NCK1: variants seen among roughly 807,000 people sequenced by gnomAD.
The protein encoded by NCK1 is NCK adaptor protein 1.
A neutral mutation model predicts 36.6 loss-of-function variants in NCK1; 19 were observed. The ratio of observed to expected loss-of-function variants is 0.52; its 90% CI spans 0.36 to 0.76. The LOEUF is 0.76. Ranked by LOEUF, NCK1 falls within the 30% of genes least tolerant of loss-of-function variation. The pLI, the probability that NCK1 is intolerant of heterozygous loss-of-function variation, is 0.00. For synonymous variants in NCK1, 165 were observed against 156.0 expected (o/e 1.06, Z -0.43); for missense variants, 358 against 445.6 (o/e 0.80, Z 1.77).
intron 1 of NCK1, among the ~76,000 whole-genome samples, chr3:136,882,801 C>T (rs1225492893): frequency 1.3e-5 from 2 of 152,132 alleles, no homozygotes; most frequent in Admixed American, 6.5e-5. Context: ...TATCTAATTG[C>T]AGGGGTGGCT....
At chr3:136,901,644 C>T (rs1029302028) in intron 1 of NCK1, among the ~76,000 whole-genome samples, 2 of 151,960 alleles carry the variant, frequency 1.3e-5, no homozygotes, top group African/African-American at 4.8e-5. Flanking sequence ...CATCCATTTC[C>T]TCTCAATTTT....
At chr3:136,939,531 T>A (rs886228045) in intron 2 of NCK1, among the ~76,000 whole-genome samples, 5 of 152,112 alleles carry the variant, frequency 3.3e-5, no homozygotes, top group Non-Finnish European at 5.9e-5. Flanking sequence ...TTCCTTAAGA[T>A]TAAATTTAAG....
At chr3:136,937,915 T>C (rs914907298) in intron 2 of NCK1, among the ~76,000 whole-genome samples, 62 of 148,464 alleles carry the variant, frequency 4.2e-4, no homozygotes, top group Non-Finnish European at 1.0e-4. Context: ...TTGCTTTGAC[T>C]AGCACTTCCA....
chr3:136,928,314 C>A, intron 2 of NCK1, 87 bp downstream of exon 2: 1 of 1,300,310 alleles, frequency 7.7e-7, no homozygotes, highest in Non-Finnish European at 1.0e-6. Context: ...CAGCAGTGTG[C>A]ATAATTGACT....
intron 2 of NCK1, among the ~76,000 whole-genome samples, chr3:136,941,132 T>C (rs1486740455): frequency 6.7e-6 from 1 of 148,764 alleles, no homozygotes; most frequent in African/African-American, 2.5e-5. Flanking sequence ...TTTTTTTTTT[T>C]TTGGAGGGTG....
intron 2 of NCK1, among the ~76,000 whole-genome samples, chr3:136,934,503 C>G (rs904184021): frequency 2.0e-5 from 3 of 152,114 alleles, no homozygotes; most frequent in Non-Finnish European, 4.4e-5. Context: ...CCAGGCTGGT[C>G]TCGAACTCCC....
At chr3:136,920,871 T>G (rs1940091473) in intron 1 of NCK1, among the ~76,000 whole-genome samples, 1 of 152,200 alleles carries the variant, frequency 6.6e-6, no homozygotes, top group Non-Finnish European at 1.5e-5. Context: ...TAAACATAAA[T>G]GGCCTTATAG....
At chr3:136,933,300 G>A (rs1940441538) in intron 2 of NCK1, among the ~76,000 whole-genome samples, 2 of 152,302 alleles carry the variant, frequency 1.3e-5, no homozygotes, top group East Asian at 3.9e-4. Context: ...CAATGGTATT[G>A]AGAAACTTGG....
intron 1 of NCK1, among the ~76,000 whole-genome samples, chr3:136,912,761 T>C (rs753853018): frequency 6.6e-6 from 1 of 152,042 alleles, no homozygotes. Context: ...GCTCAAGCAG[T>C]CCCCCTGCTT....
At position 136,906,831 on chromosome 3, in the gene NCK1, G is replaced by A. The variant is rs558076826; in HGVS notation, c.-18-21153G>A. 2.0e-5 allele frequency among the ~76,000 whole-genome samples: 3 copies of A among 152,248 alleles called. No individual in the cohort carries two copies. In the South Asian group the frequency reaches 6.2e-4, roughly 32 times the overall value. ...TGAATAGGTCCAATCTCAGACCCTG[G>A]GAGGAGTGCTTAGGTGCCAACAGTG... On this transcript the variant is annotated intron_variant, in intron 1 of 3. Transcript: ENST00000481752.
chr3:136,869,844 T>C lies in NCK1; in HGVS notation c.-19+7491T>C, dbSNP rs1938555099. Among the ~76,000 whole-genome samples the C allele has an allele frequency of 2.0e-5, 3 of 152,168 alleles. No homozygotes were observed. In the South Asian group the frequency reaches 6.2e-4, roughly 31 times the overall value. ...TTGCTTTTTCTATTTGTTTAAATTA[T>C]CAGTTAAAAAAACCTGTTAAAACAC... On this transcript the variant is annotated intron_variant, in intron 1 of 3. Transcript: ENST00000481752.
intron 1 of NCK1, among the ~76,000 whole-genome samples, chr3:136,870,687 T>C (rs1167568825): frequency 8.1e-6 from 1 of 123,404 alleles, no homozygotes; most frequent in Non-Finnish European, 1.7e-5. Context: ...CTATAGTCTT[T>C]AAAAAAAAAA....
At chr3:136,928,313 G>A in intron 2 of NCK1, 86 bp downstream of exon 2, 1 of 1,312,600 alleles carries the variant, frequency 7.6e-7, no homozygotes, top group Non-Finnish European at 1.0e-6. Context: ...GCAGCAGTGT[G>A]CATAATTGAC....
In NCK1 at chr3:136,902,040, C is replaced by T. The variant is rs547607746; in HGVS notation, c.-18-25944C>T. ...GTTTTTGCTGTATCTCATAGATTTT[C>T]GGTATGTTGTATTAGATTTTCATTT... On this transcript the variant is annotated intron_variant, in intron 1 of 3. Transcript: ENST00000481752. Among the ~76,000 whole-genome samples the T allele has an allele frequency of 7.9e-5, 12 of 151,970 alleles. No individual in the cohort carries two copies. The South Asian group carries it at 1.9e-3, about 24-fold the overall frequency.
At chr3:136,865,871 T>G (rs928784838) in intron 1 of NCK1, among the ~76,000 whole-genome samples, 4 of 152,238 alleles carry the variant, frequency 2.6e-5, no homozygotes, top group African/African-American at 9.6e-5. Flanking sequence ...GACTTTGTTT[T>G]GGTGACATTA....
At chr3:136,905,953 G>A (rs888019004) in intron 1 of NCK1, among the ~76,000 whole-genome samples, 3 of 147,218 alleles carry the variant, frequency 2.0e-5, no homozygotes, top group East Asian at 2.1e-4. Flanking sequence ...TGTATTGCCC[G>A]TGAATTATTG....
chr3:136,925,068 ATTCTC>A (rs1940204748), intron 1 of NCK1, among the ~76,000 whole-genome samples: 1 of 152,178 alleles, frequency 6.6e-6, no homozygotes, highest in South Asian at 2.1e-4. Context: ...TCATTATACT[ATTCTC>A]TTCTGTAAAT....
chr3:136,863,957 C>G (rs944897627), intron 1 of NCK1, among the ~76,000 whole-genome samples: 1 of 151,042 alleles, frequency 6.6e-6, no homozygotes, highest in Non-Finnish European at 1.5e-5. Context: ...AAAAAGTAGC[C>G]GGGCGTGGTG....
intron 1 of NCK1, among the ~76,000 whole-genome samples, chr3:136,916,920 A>C (rs1939980588): frequency 6.6e-6 from 1 of 152,164 alleles, no homozygotes; most frequent in Non-Finnish European, 1.5e-5. Context: ...CTACAACCCA[A>C]GTGTGTGGCT....
Sources: allele counts gnomAD v4.1 joint callset (sites outside exome capture counted in the v4.1 genomes callset), GRCh38; gene constraint gnomAD v4.1.1; transcripts MANE v1.5; gene names NCBI Gene and HGNC (gene_info 2026-07-23, HGNC 2026-07-21).